The following PRKCD variants were observed in gnomAD, a reference collection of about 807,000 sequenced individuals.
PRKCD encodes protein kinase C delta, also known as protein kinase C delta type.
PRKCD carries 20 observed loss-of-function variants against 82.2 expected under a neutral mutation model. The ratio of observed to expected loss-of-function variants is 0.24; its 90% CI spans 0.17 to 0.35. The LOEUF is 0.35. Among genes scored for constraint, PRKCD ranks in the 10% least tolerant of loss-of-function variants. The pLI, the probability that PRKCD is intolerant of heterozygous loss-of-function variation, is 1.00. For synonymous variants in PRKCD, 317 were observed against 337.0 expected (o/e 0.94, Z 0.65); for missense variants, 607 against 899.0 (o/e 0.68, Z 4.15).
At position 53,187,238 on chromosome 3, in the gene PRKCD, T is replaced by C. The variant is rs1292372862; in HGVS notation, c.1353-102T>C. The C allele has an allele frequency of 6.3e-6, 8 of 1,277,894 alleles. No homozygotes were observed. The East Asian group carries it at 1.6e-4, about 26-fold the overall frequency. The allele number at this position is 1,277,894 out of a possible 1,614,324, so 79.2% of individuals were successfully genotyped here. On this transcript the variant is annotated intron_variant, in intron 14 of 18. Coordinates refer to ENST00000330452, the MANE Select transcript of PRKCD (RefSeq NM_006254.4). ...ATGCTCAGGTGGTCCATGGAGTTAT[T>C]TGCAGCATTTCTTGCTCCTGGAAGT... is the stretch of plus-strand genomic sequence containing the variant.
At chr3:53,174,535 G>T (rs1036290733) in intron 2 of PRKCD, among the ~76,000 whole-genome samples, 17 of 152,184 alleles carry the variant, frequency 1.1e-4, no homozygotes, top group Admixed American at 6.5e-4. Flanking sequence ...CTTTTGTGCT[G>T]CTGCTTCACC....
At chr3:53,170,279 T>A (rs1553664614) in intron 2 of PRKCD, among the ~76,000 whole-genome samples, 1 of 152,164 alleles carries the variant, frequency 6.6e-6, no homozygotes, top group Non-Finnish European at 1.5e-5. Context: ...GAGCTGGAAG[T>A]TCTCTCCCCA....
At chr3:53,168,282 GCAGGGCCCAGCCTGTCC>G (rs1372109497) in intron 2 of PRKCD, among the ~76,000 whole-genome samples, 1 of 152,238 alleles carries the variant, frequency 6.6e-6, no homozygotes, top group Admixed American at 6.5e-5. Flanking sequence ...GCAGCTGGGG[GCAGGGCCCAGCCTGTCC>G]CAGGGACACG....
In PRKCD at chr3:53,184,879, G is replaced by A. The variant is rs373245386; in HGVS notation, c.793G>A (p.Gly265Ser). Reference protein sequence around the residue: ...VKQGLKCEDCGMNVHHKCREK... With the variant: ...VKQGLKCEDCSMNVHHKCREK... ...CCGCTTCTCCCTCACCCCAGACTGCGGCATGAATGTGCACCATAAATGCCG... is the reference window on the plus strand; with the variant it reads ...CCGCTTCTCCCTCACCCCAGACTGCAGCATGAATGTGCACCATAAATGCCG... Residue 265 changes from glycine (G) to serine (S), a missense_variant, in exon 10 of 19, where the codon GGC becomes AGC. By Grantham distance (56) the Gly-to-Ser change is moderately conservative. Transcript: ENST00000330452. 2.6e-5 allele frequency: 42 copies of A among 1,613,674 alleles called. No homozygotes were observed. The highest frequency in any genetic ancestry group is 3.1e-5 in the Non-Finnish European group (36 of 1,179,822).
In PRKCD at chr3:53,186,635, A is replaced by C; in HGVS notation, c.1292A>C (p.Asn431Thr). The part of the protein sequence containing the change: ...DHLFFVMEFL[N>T]GGDLMYHIQD... ...CTGTTCTTTGTGATGGAGTTCCTCA[A>C]CGGGGGGGACCTGATGTACCACATC... Residue 431 changes from asparagine to threonine, a missense_variant, in exon 14 of 19, where the codon AAC becomes ACC. By Grantham distance (65) the Asn-to-Thr change is moderately conservative (BLOSUM62 0). This residue lies in a region of PRKCD where 251 missense variants were observed against 423.9 expected (regional missense o/e 0.59). Transcript: ENST00000330452. 6.2e-7 allele frequency: 1 copy of C among 1,613,882 alleles called. No homozygotes were observed. Among genetic ancestry groups the C allele is most frequent in the Non-Finnish European group, 8.5e-7 (1 of 1,179,858 alleles).
chr3:53,184,128 C>T (rs868958311), intron 9 of PRKCD, among the ~76,000 whole-genome samples: 3 of 150,348 alleles, frequency 2.0e-5, no homozygotes, highest in African/African-American at 2.5e-5. Flanking sequence ...GTTAGGAGAT[C>T]GAGACCATCC....
intron 18 of PRKCD, 111 bp downstream of exon 18, chr3:53,190,112 C>A: frequency 6.8e-7 from 1 of 1,468,528 alleles, no homozygotes; most frequent in Non-Finnish European, 9.4e-7. Context: ...CAGCAATCTC[C>A]ATAGCATGTT....
intron 2 of PRKCD, among the ~76,000 whole-genome samples, chr3:53,177,563 A>T (rs1553666129): frequency 6.6e-6 from 1 of 152,166 alleles, no homozygotes; most frequent in African/African-American, 2.4e-5. Context: ...GTTATGAAGA[A>T]AAAACCCCAA....
At position 53,179,516 on chromosome 3, in the gene PRKCD, G is replaced by A; in HGVS notation, c.116-61G>A. Reference sequence around the variant, plus strand: ...GATTCTGCCAGGGGAAGGCCGTGGAGGTCTACGAGGGAGGGACAGAGGGGC... The same window carrying A: ...GATTCTGCCAGGGGAAGGCCGTGGAAGTCTACGAGGGAGGGACAGAGGGGC... On this transcript the variant is annotated intron_variant, in intron 3 of 18. Transcript: ENST00000330452. 3 of 1,602,918 alleles carry A rather than the reference G, an allele frequency of 1.9e-6. No homozygotes were observed. The South Asian group carries it at 3.3e-5, about 18-fold the overall frequency.
In PRKCD at chr3:53,166,642, C is replaced by G. The variant is rs140692508; in HGVS notation, c.-20+1427C>G. The stretch of plus-strand genomic sequence containing the variant: ...CCATGCACTCAAATGCCTGCCCACA[C>G]ATACCGCACTGTGCCCATTCTGGGG... On this transcript the variant is annotated intron_variant, in intron 2 of 18. Transcript: ENST00000330452. 3.1e-3 allele frequency among the ~76,000 whole-genome samples: 473 copies of G among 152,372 alleles called. 3 individuals are homozygous for G. The highest frequency in any genetic ancestry group is 0.01 in the African/African-American group (431 of 41,586).
intron 13 of PRKCD, 55 bp downstream of exon 13, chr3:53,186,395 C>T: frequency 6.3e-7 from 1 of 1,599,186 alleles, no homozygotes; most frequent in Non-Finnish European, 8.6e-7. Context: ...CCCACAGCTC[C>T]TCAGCCCCCC....
intron 15 of PRKCD, 83 bp from the exon 16 acceptor site, chr3:53,188,637 C>A (rs1405306392): frequency 8.4e-6 from 13 of 1,556,762 alleles, no homozygotes; most frequent in East Asian, 4.5e-5. Context: ...TGGACTAATA[C>A]GGCTGAAAAT....
At chr3:53,168,715 G>A (rs1553664300) in intron 2 of PRKCD, among the ~76,000 whole-genome samples, 1 of 152,032 alleles carries the variant, frequency 6.6e-6, no homozygotes, top group Non-Finnish European at 1.5e-5. Flanking sequence ...CAAGCCCAGA[G>A]GCTCCTAAGC....
At chr3:53,184,060 C>T (rs1448125414) in intron 9 of PRKCD, among the ~76,000 whole-genome samples, 3 of 152,052 alleles carry the variant, frequency 2.0e-5, no homozygotes, top group East Asian at 1.9e-4. Context: ...TGGCTGGGCG[C>T]GGTGGCTCAC....
intron 9 of PRKCD, among the ~76,000 whole-genome samples, 182 bp from the exon 10 acceptor site, chr3:53,184,688 AAAAG>A (rs1305687312): frequency 7.1e-4 from 107 of 151,266 alleles, no homozygotes; most frequent in Admixed American, 1.1e-3. Flanking sequence ...AAAAAAAAAA[AAAAG>A]AGAGAGAGAG....
rs1703650004 is a variant in PRKCD, at chr3:53,185,672, G to C, written c.957G>C (p.Lys319Asn). 6.2e-7 allele frequency: 1 copy of C among 1,612,574 alleles called. No individual in the cohort carries two copies. The stretch of plus-strand genomic sequence containing the variant: ...GGATATATCAGGGTTTCGAGAAGAA[G>C]ACCGGAGTTGCTGGGGAGGACATGC... The part of the protein sequence containing the change: ...PVGIYQGFEK[K>N]TGVAGEDMQD... Residue 319 changes from lysine to asparagine, a missense_variant, in exon 11 of 19, where the codon AAG (lysine) becomes AAC (asparagine). By Grantham distance (94) the Lys-to-Asn change is moderately conservative. This residue lies in a region of PRKCD where 85 missense variants were observed against 76.1 expected (regional missense o/e 1.12). Coordinates refer to ENST00000330452, the MANE Select transcript of PRKCD (RefSeq NM_006254.4).
intron 18 of PRKCD, among the ~76,000 whole-genome samples, chr3:53,191,407 CTAAA>C (rs1703920631): frequency 6.6e-6 from 1 of 152,052 alleles, no homozygotes; most frequent in Non-Finnish European, 1.5e-5. Flanking sequence ...GACTCCATCT[CTAAA>C]TGAATAAATA....
chr3:53,188,252 C>T (rs1265932273), intron 15 of PRKCD, among the ~76,000 whole-genome samples: 5 of 141,570 alleles, frequency 3.5e-5, no homozygotes, highest in East Asian at 4.4e-4. Flanking sequence ...TGCTTGTCCA[C>T]GCCTAGAATT....
Position 53,179,581 on chromosome 3 carries a change from T to G in PRKCD, c.120T>G (p.Arg40=). Reference sequence around the variant, plus strand: ...CTCTGCCTGGCCTTGTTGCAGAGCGTGGGAAAACACTGGTGCAGAAGAAGC... The same window carrying G: ...CTCTGCCTGGCCTTGTTGCAGAGCGGGGGAAAACACTGGTGCAGAAGAAGC... ...VKMKEALSTE[R]GKTLVQKKPT... Residue 40 remains arginine, a synonymous_variant, in exon 4 of 19, where the codon CGT becomes CGG. Coordinates refer to ENST00000330452, the MANE Select transcript of PRKCD (RefSeq NM_006254.4). 6.2e-7 allele frequency: 1 copy of G among 1,613,990 alleles called. No homozygotes were observed. The highest frequency in any genetic ancestry group is 8.5e-7 in the Non-Finnish European group (1 of 1,179,966).
Sources: allele counts gnomAD v4.1 joint callset (sites outside exome capture counted in the v4.1 genomes callset), GRCh38; gene constraint gnomAD v4.1.1; regional missense constraint gnomAD v4.1.1; transcripts MANE v1.5; gene names NCBI Gene and HGNC (gene_info 2026-07-23, HGNC 2026-07-21).